Variants in SEMA5A observed in about 807,000 individuals in gnomAD.
SEMA5A encodes semaphorin 5A, also known as semaphorin-5A.
Under a neutral mutation model 135.5 loss-of-function variants are expected in SEMA5A, and 55 were observed. The observed-to-expected ratio is 0.41, with a 90% confidence interval of 0.33 to 0.51. The LOEUF (loss-of-function observed/expected upper bound fraction) is 0.51. SEMA5A is among the 20% of genes least tolerant of loss of function. The pLI, the probability that SEMA5A is intolerant of heterozygous loss-of-function variation, is 0.37. For synonymous variants in SEMA5A, 580 were observed against 546.5 expected (o/e 1.06, Z -0.85); for missense variants, 1,290 against 1,419.9 (o/e 0.91, Z 1.47).
At chr5:9,440,815 G>A (rs1758205888) in intron 1 of SEMA5A, among the ~76,000 whole-genome samples, 1 of 152,224 alleles carries the variant, frequency 6.6e-6, no homozygotes, top group Non-Finnish European at 1.5e-5. Context: ...AAGTTGAGCT[G>A]AGTGGTAGCC....
At chr5:9,354,157 G>C (rs992627277) in intron 3 of SEMA5A, among the ~76,000 whole-genome samples, 1 of 152,036 alleles carries the variant, frequency 6.6e-6, no homozygotes, top group East Asian at 1.9e-4. Context: ...CCTTCCATTG[G>C]CTTTGCCCTT....
Position 9,062,367 on chromosome 5 carries a change from G to T in SEMA5A, c.2518+520C>A, listed in dbSNP as rs191113261. Among the ~76,000 whole-genome samples the T allele has an allele frequency of 2.6e-3, 391 of 152,288 alleles. 2 individuals are homozygous for T. Among genetic ancestry groups the T allele is most frequent in the Non-Finnish European group, 4.4e-3 (296 of 68,020 alleles). ...ATTGCTTGGAATGATTTAGGATTTGGTTTCAGGTCTGCTGGGAGAAGGGGT... is the reference window on the plus strand; with the variant it reads ...ATTGCTTGGAATGATTTAGGATTTGTTTTCAGGTCTGCTGGGAGAAGGGGT... On this transcript the variant is annotated intron_variant, in intron 18 of 22. Transcript: ENST00000382496.
chr5:9,519,936 G>A (rs1230733281), intron 1 of SEMA5A: 2 of 152,198 alleles, frequency 1.3e-5, no homozygotes, highest in East Asian at 3.8e-4. Flanking sequence ...CTGAAACATT[G>A]TCACAACACA....
chr5:9,080,287 C>T (rs546280906), intron 16 of SEMA5A, among the ~76,000 whole-genome samples: 1 of 152,244 alleles, frequency 6.6e-6, no homozygotes, highest in Non-Finnish European at 1.5e-5. Context: ...TCTCAGCAAA[C>T]TAACACAAGA....
chr5:9,479,041 G>A lies in SEMA5A; in HGVS notation c.-174-41189C>T, dbSNP rs372227748. Among the ~76,000 whole-genome samples, 19 of 152,192 alleles carry A rather than the reference G, an allele frequency of 1.2e-4. No individual in the cohort carries two copies. The East Asian group carries it at 2.5e-3, about 20-fold the overall frequency. Reference sequence around the variant, plus strand: ...TAGTGAGTTCTCACAAGATCTGATGGCATAAGTGTGGCATTTGTCTCTCTT... The same window carrying A: ...TAGTGAGTTCTCACAAGATCTGATGACATAAGTGTGGCATTTGTCTCTCTT... On this transcript the variant is annotated intron_variant, in intron 1 of 22. Coordinates refer to ENST00000382496, the MANE Select transcript of SEMA5A (RefSeq NM_003966.3).
intron 1 of SEMA5A, among the ~76,000 whole-genome samples, chr5:9,537,454 G>A (rs1032604253): frequency 6.6e-5 from 10 of 152,048 alleles, no homozygotes; most frequent in African/African-American, 2.4e-4. Context: ...TTGACTAACT[G>A]AAACCATCAA....
intron 3 of SEMA5A, among the ~76,000 whole-genome samples, chr5:9,351,237 T>C (rs10491236): frequency 0.071 from 10,862 of 152,186 alleles, 416 homozygotes; most frequent in African/African-American, 0.084. Flanking sequence ...TGAGTTATAA[T>C]AGGCATGTGG....
At chr5:9,309,708 C>T (rs890792872) in intron 5 of SEMA5A, among the ~76,000 whole-genome samples, 3 of 151,954 alleles carry the variant, frequency 2.0e-5, no homozygotes, top group Admixed American at 6.6e-5. Flanking sequence ...TCTAGGAGGG[C>T]GCAGTTGTTT....
intron 12 of SEMA5A, among the ~76,000 whole-genome samples, chr5:9,153,130 G>C (rs937636512): frequency 6.6e-6 from 1 of 151,598 alleles, no homozygotes; most frequent in Non-Finnish European, 1.5e-5. Flanking sequence ...GAGTTCCAAA[G>C]CCAGTGTAAC....
chr5:9,077,600 T>G (rs146247609), intron 16 of SEMA5A, among the ~76,000 whole-genome samples: 218 of 152,330 alleles, frequency 1.4e-3, no homozygotes, highest in African/African-American at 4.6e-3. Flanking sequence ...TACCTTATCA[T>G]GCATCATGAA....
intron 1 of SEMA5A, among the ~76,000 whole-genome samples, chr5:9,539,940 T>C (rs1301615238): frequency 1.3e-5 from 2 of 152,230 alleles, no homozygotes; most frequent in Non-Finnish European, 2.9e-5. Flanking sequence ...GACATTTGTA[T>C]TTTAAGACTG....
chr5:9,471,728 A>T lies in SEMA5A; in HGVS notation c.-174-33876T>A, dbSNP rs562503203. On this transcript the variant is annotated intron_variant, in intron 1 of 22. Coordinates refer to ENST00000382496, the MANE Select transcript of SEMA5A (RefSeq NM_003966.3). Reference sequence around the variant, plus strand: ...ACTGTTGCTATTAACAATCTTTGCAACCAATAAGTCTGCATGTACCCCTTT... The same window carrying T: ...ACTGTTGCTATTAACAATCTTTGCATCCAATAAGTCTGCATGTACCCCTTT... Among the ~76,000 whole-genome samples, 18 of 152,370 alleles carry T rather than the reference A, an allele frequency of 1.2e-4. No homozygotes were observed. In the East Asian group the frequency reaches 3.5e-3, roughly 29 times the overall value.
Position 9,119,028 on chromosome 5 carries a change from C to T in SEMA5A, c.1895G>A (p.Arg632Gln). Residue 632 changes from arginine (R) to glutamine (Q), a missense_variant, in exon 15 of 23, where the codon CGG becomes CAG. Coordinates refer to ENST00000382496, the MANE Select transcript of SEMA5A (RefSeq NM_003966.3). ...CTCGCGGTTCTGTCCCACGCACACCCGGCCCCCGTGCCTGGGAGTGGGGTT... is the reference window on the plus strand; with the variant it reads ...CTCGCGGTTCTGTCCCACGCACACCTGGCCCCCGTGCCTGGGAGTGGGGTT... Reference protein sequence around the residue: ...CSNPTPRHGGRVCVGQNREER... With the variant: ...CSNPTPRHGGQVCVGQNREER... 3 of 1,613,562 alleles carry T rather than the reference C, an allele frequency of 1.9e-6. No individual in the cohort carries two copies. The highest frequency in any genetic ancestry group is 1.1e-5 in the South Asian group (1 of 90,990).
chr5:9,179,736 T>C (rs1744399268), intron 11 of SEMA5A, among the ~76,000 whole-genome samples: 1 of 152,288 alleles, frequency 6.6e-6, no homozygotes, highest in Admixed American at 6.5e-5. Flanking sequence ...AACAAACTCA[T>C]ACTAAAGAAC....
intron 1 of SEMA5A, among the ~76,000 whole-genome samples, chr5:9,511,790 G>A (rs1052036873): frequency 2.6e-5 from 4 of 152,130 alleles, no homozygotes; most frequent in African/African-American, 9.7e-5. Flanking sequence ...TATCAAAACA[G>A]CATGTTGAAC....
intron 5 of SEMA5A, among the ~76,000 whole-genome samples, chr5:9,281,767 T>C (rs906671343): frequency 6.6e-6 from 1 of 151,320 alleles, no homozygotes; most frequent in African/African-American, 2.4e-5. Flanking sequence ...GAAGACGGCA[T>C]GCTGTGACTA....
intron 15 of SEMA5A, among the ~76,000 whole-genome samples, chr5:9,117,474 G>T (rs569766796): frequency 1.3e-5 from 2 of 152,260 alleles, no homozygotes; most frequent in Non-Finnish European, 2.9e-5. Context: ...GAGATATCTT[G>T]GGGATAGGAC....
chr5:9,162,564 G>GTATATATATATATATA (rs779776274), intron 11 of SEMA5A, among the ~76,000 whole-genome samples: 5 of 84,014 alleles, frequency 6.0e-5, no homozygotes, highest in East Asian at 3.1e-4. Flanking sequence ...GTGTGTGTGT[G>GTATATATATATATATA]TATATATATA....
chr5:9,126,768 G>C (rs993526661), intron 13 of SEMA5A, among the ~76,000 whole-genome samples: 3 of 152,224 alleles, frequency 2.0e-5, no homozygotes, highest in Non-Finnish European at 4.4e-5. Context: ...AGGGGGTCTC[G>C]GACTACAGGA....
Sources: gnomAD v4.1 joint callset for allele counts (sites outside exome capture counted in the v4.1 genomes callset) on GRCh38, gnomAD v4.1.1 for gene constraint, MANE v1.5 for transcripts, NCBI Gene and HGNC (gene_info 2026-07-23, HGNC 2026-07-21) for gene names.